The following CSMD3 variants were observed in gnomAD, a reference collection of about 807,000 sequenced individuals.
CSMD3 encodes CUB and sushi domain-containing protein 3.
In CSMD3, 177 loss-of-function variants were observed where a neutral mutation model predicts 435.2. The observed-to-expected ratio is 0.41, with a 90% CI of 0.36 to 0.46. The LOEUF (loss-of-function observed/expected upper bound fraction) is 0.46. Among genes scored for constraint, CSMD3 ranks in the 20% least tolerant of loss-of-function variants. The probability of loss-of-function intolerance (pLI) is 0.34; values close to 1 mark genes in which losing one functional copy is unlikely to be tolerated. For synonymous variants in CSMD3, 1,656 were observed against 1,520.5 expected (o/e 1.09, Z -2.07); for missense variants, 4,265 against 4,504.6 (o/e 0.95, Z 1.52).
intron 13 of CSMD3, among the ~76,000 whole-genome samples, chr8:112,768,509 AAC>A (rs2078035875): frequency 6.6e-6 from 1 of 151,950 alleles, no homozygotes; most frequent in Non-Finnish European, 1.5e-5. Flanking sequence ...GATGTCCTTA[AAC>A]ACAGTGTTTT....
In CSMD3 at chr8:112,540,428, C is replaced by T. The variant is rs1408456508; in HGVS notation, c.4564+10243G>A. ...CCATATGATCCAGCATTACCATTGC[C>T]GGGTATTTATCCAAAAGAAAGAAAA... is the stretch of plus-strand genomic sequence containing the variant. On this transcript the variant is annotated intron_variant, in intron 27 of 70. Transcript: ENST00000297405. Among the ~76,000 whole-genome samples the T allele has an allele frequency of 3.9e-5, 6 of 151,940 alleles. No individual in the cohort carries two copies. The East Asian group carries it at 1.2e-3, about 29-fold the overall frequency.
intron 17 of CSMD3, among the ~76,000 whole-genome samples, chr8:112,663,992 G>A (rs1047839218): frequency 1.2e-4 from 19 of 152,022 alleles, no homozygotes; most frequent in African/African-American, 4.1e-4. Flanking sequence ...GTGGGATGGC[G>A]GTGAAGTCTT....
chr8:112,367,019 A>G (rs1484430979), intron 38 of CSMD3, among the ~76,000 whole-genome samples: 1 of 152,114 alleles, frequency 6.6e-6, no homozygotes. Context: ...AACCTTTTGT[A>G]GTCCCTTCAT....
At chr8:112,244,855 T>C (rs1462815038) in intron 64 of CSMD3, among the ~76,000 whole-genome samples, 2 of 151,992 alleles carry the variant, frequency 1.3e-5, no homozygotes, top group African/African-American at 2.4e-5. Context: ...AGCTCAGAAA[T>C]GTATGCTTTA....
At chr8:113,056,277 C>A (rs1374491993) in intron 5 of CSMD3, among the ~76,000 whole-genome samples, 2 of 152,090 alleles carry the variant, frequency 1.3e-5, no homozygotes, top group Non-Finnish European at 2.9e-5. Flanking sequence ...TAGTATGAAC[C>A]CATCCTGCAA....
chr8:112,553,998 C>A (rs1827905347), intron 25 of CSMD3, among the ~76,000 whole-genome samples: 1 of 151,830 alleles, frequency 6.6e-6, no homozygotes. Flanking sequence ...AATTTGAAGA[C>A]CTTAAGAGCA....
intron 1 of CSMD3, among the ~76,000 whole-genome samples, chr8:113,370,307 A>G (rs2094339350): frequency 6.6e-6 from 1 of 151,822 alleles, no homozygotes; most frequent in Admixed American, 6.6e-5. Flanking sequence ...ATAACAAACT[A>G]GAGTGGCAAG....
chr8:113,352,296 T>C (rs913537355), intron 1 of CSMD3, among the ~76,000 whole-genome samples: 5 of 151,946 alleles, frequency 3.3e-5, no homozygotes, highest in African/African-American at 1.2e-4. Context: ...CACACAGAGA[T>C]ACAAGAGAGA....
intron 23 of CSMD3, among the ~76,000 whole-genome samples, chr8:112,578,032 A>G (rs1225888248): frequency 6.6e-6 from 1 of 152,018 alleles, no homozygotes; most frequent in Non-Finnish European, 1.5e-5. Flanking sequence ...ACTTTTGGTC[A>G]TTTGTTTTAT....
At chr8:113,304,914 TAA>T (rs71281210) in intron 2 of CSMD3, among the ~76,000 whole-genome samples, 72,505 of 120,348 alleles carry the variant, frequency 0.6, 19,328 homozygotes, top group Middle Eastern at 0.74. Flanking sequence ...TAAAGTATAA[TAA>T]AAAAAAAAAA....
intron 3 of CSMD3, among the ~76,000 whole-genome samples, chr8:113,256,746 G>A (rs1382264314): frequency 2.6e-5 from 4 of 152,142 alleles, no homozygotes; most frequent in African/African-American, 2.4e-5. Context: ...ACCAAAATAT[G>A]TCTTAGTGAT....
Position 112,987,292 on chromosome 8 carries a change from T to G in CSMD3, c.1031-11144A>C, listed in dbSNP as rs911943206. ...ATACTTTTAACCTTTATAAAGGTAA[T>G]GAAAACTTGCTTCAGTCATCTGTGA... On this transcript the variant is annotated intron_variant, in intron 6 of 70. Transcript: ENST00000297405. 3.3e-5 allele frequency among the ~76,000 whole-genome samples: 5 copies of G among 152,240 alleles called. No homozygotes were observed. In the East Asian group the frequency reaches 9.7e-4, roughly 29 times the overall value.
intron 19 of CSMD3, among the ~76,000 whole-genome samples, chr8:112,648,623 T>C (rs1394632315): frequency 1.3e-5 from 2 of 152,082 alleles, no homozygotes; most frequent in Non-Finnish European, 2.9e-5. Context: ...TGGGGTTGGA[T>C]GGAAAAATGA....
intron 1 of CSMD3, among the ~76,000 whole-genome samples, chr8:113,404,161 G>A (rs1214153279): frequency 2.6e-5 from 4 of 151,256 alleles, no homozygotes; most frequent in African/African-American, 9.7e-5. Context: ...AAAATCCATA[G>A]CTCTATTTGT....
intron 13 of CSMD3, among the ~76,000 whole-genome samples, chr8:112,719,352 G>T (rs2131960342): frequency 6.6e-6 from 1 of 152,260 alleles, no homozygotes; most frequent in South Asian, 2.1e-4. Flanking sequence ...TAGGTACACT[G>T]CTCAGCTTAT....
chr8:112,228,669 T>C, intron 70 of CSMD3, 87 bp downstream of exon 70: 1 of 1,391,922 alleles, frequency 7.2e-7, no homozygotes, highest in Non-Finnish European at 1.0e-6. Context: ...GAAGAAAATT[T>C]GAAATTAAGA....
chr8:112,601,223 G>A (rs1036198990), intron 22 of CSMD3, among the ~76,000 whole-genome samples: 2 of 151,944 alleles, frequency 1.3e-5, no homozygotes, highest in Non-Finnish European at 2.9e-5. Flanking sequence ...GGTGATATGA[G>A]CAATAGCAAT....
chr8:112,647,844 A>T (rs1227445327), intron 19 of CSMD3, among the ~76,000 whole-genome samples: 2 of 152,168 alleles, frequency 1.3e-5, no homozygotes, highest in African/African-American at 4.8e-5. Context: ...TTATATTGTC[A>T]GCTGCAAGTG....
intron 66 of CSMD3, among the ~76,000 whole-genome samples, chr8:112,241,233 C>T (rs545697599): frequency 6.6e-6 from 1 of 151,922 alleles, no homozygotes; most frequent in Non-Finnish European, 1.5e-5. Flanking sequence ...AAATGAGATA[C>T]ATCAAGGTTG....
Sources: allele counts gnomAD v4.1 joint callset (sites outside exome capture counted in the v4.1 genomes callset), GRCh38; gene constraint gnomAD v4.1.1; transcripts MANE v1.5; gene names NCBI Gene and HGNC (gene_info 2026-07-23, HGNC 2026-07-21).